EIF3I: variants seen among roughly 807,000 people sequenced by gnomAD.
EIF3I encodes eukaryotic translation initiation factor 3 subunit I.
Under a neutral mutation model 43.3 loss-of-function variants are expected in EIF3I, and 20 were observed. That is an observed-to-expected ratio of 0.46 (90% confidence interval 0.32 to 0.67). The LOEUF is 0.67. Among genes scored for constraint, EIF3I ranks in the 30% least tolerant of loss-of-function variants. EIF3I has a pLI of 0.03. For missense variants in EIF3I, 279 were observed against 421.4 expected, an observed-to-expected ratio of 0.66 and a Z score of 2.96; for synonymous variants, 167 against 151.7, an observed-to-expected ratio of 1.10 and a Z score of -0.74.
downstream of EIF3I, among the ~76,000 whole-genome samples, chr1:32,236,031 C>T (rs552570240): frequency 6.6e-5 from 10 of 152,304 alleles, no homozygotes; most frequent in African/African-American, 2.4e-4. Flanking sequence ...ATTTCATACT[C>T]GACACTCCCA....
chr1:32,230,482 A>G (rs976542993), intron 10 of EIF3I, among the ~76,000 whole-genome samples: 7 of 151,600 alleles, frequency 4.6e-5, no homozygotes, highest in African/African-American at 1.7e-4. Context: ...TCGGCCTCCC[A>G]AAGTGTTGGG....
intron 10 of EIF3I, 143 bp from the exon 10 acceptor site, chr1:32,230,784 A>G (rs929351197): frequency 4.9e-5 from 30 of 616,762 alleles, no homozygotes; most frequent in Non-Finnish European, 7.3e-5. Flanking sequence ...AGATTGCGCC[A>G]CTGTACTCCA....
At chr1:32,222,593 G>A in exon 2 of EIF3I, 1 of 1,614,130 alleles carries the variant, frequency 6.2e-7, no homozygotes, top group East Asian at 2.2e-5. Context: ...AAGTATAACC[G>A]CGAAGGAGAC....
chr1:32,227,100 G>T (rs759899636), intron 6 of EIF3I, among the ~76,000 whole-genome samples: 6 of 149,584 alleles, frequency 4.0e-5, no homozygotes, highest in Non-Finnish European at 5.9e-5. Context: ...TCGGGTCCTG[G>T]TGATAGCACA....
exon 4 of EIF3I, chr1:32,224,463 G>A: frequency 3.1e-6 from 5 of 1,613,552 alleles, no homozygotes; most frequent in Middle Eastern, 1.8e-4. Context: ...TCGTCTCTGG[G>A]ACTGTGAAAC....
chr1:32,228,466 G>A, intron 6 of EIF3I, 33 bp from the exon 7 acceptor site: 2 of 1,572,646 alleles, frequency 1.3e-6, no homozygotes, highest in Non-Finnish European at 1.8e-6. Flanking sequence ...TAGGGATTGG[G>A]CCCATTCAGT....
rs1271219456 is a variant in EIF3I, at chr1:32,228,799, T to TC, written c.717dup (p.Asn240GlnfsTer3). Reference sequence around the variant, plus strand: ...ACGTCCTGTCAACTCAGCTGCCCTCTCCCCCAACTATGACCATGTAAGAGA... The same window carrying TC: ...ACGTCCTGTCAACTCAGCTGCCCTCTCCCCCCAACTATGACCATGTAAGAGA... On this transcript the variant is annotated frameshift_variant, in exon 8 of 12. Coordinates refer to ENST00000676679, the Ensembl canonical transcript of EIF3I. LOFTEE classifies it high-confidence loss of function. 1 of 1,613,894 alleles carries TC rather than the reference T, an allele frequency of 6.2e-7. No homozygotes were observed.
At chr1:32,222,429 C>T (rs750505560) in exon 1 of EIF3I, 33 of 1,595,438 alleles carry the variant, frequency 2.1e-5, no homozygotes, top group African/African-American at 6.7e-5. Context: ...GCCTTCCTCG[C>T]GTCACAGCCG....
At chr1:32,229,925 A>T (rs1328383931) in intron 9 of EIF3I, among the ~76,000 whole-genome samples, 2 of 152,216 alleles carry the variant, frequency 1.3e-5, no homozygotes, top group Non-Finnish European at 2.9e-5. Flanking sequence ...ACATAAAATT[A>T]TGCAGATTAA....
chr1:32,231,133 A>G, exon 12 of EIF3I: 1 of 1,614,146 alleles, frequency 6.2e-7, no homozygotes, highest in African/African-American at 1.3e-5. Context: ...GCGGCGGCGA[A>G]GATGGTTACG....
chr1:32,222,579 G>A, exon 2 of EIF3I: 6 of 1,614,146 alleles, frequency 3.7e-6, no homozygotes, highest in Non-Finnish European at 5.1e-6. Context: ...CCATTACGCA[G>A]ATTAAGTATA....
chr1:32,229,110 A>G (rs1639193849), intron 8 of EIF3I, 25 bp from the exon 9 acceptor site: 13 of 1,606,354 alleles, frequency 8.1e-6, no homozygotes, highest in Non-Finnish European at 1.1e-5. Context: ...CATTGGTCCC[A>G]TCTAGAGTTT....
intron 6 of EIF3I, 58 bp downstream of exon 6, chr1:32,226,588 A>C (rs1639150651): frequency 2.2e-6 from 3 of 1,385,484 alleles, no homozygotes; most frequent in Admixed American, 2.7e-5. Context: ...TTTTTTTAAG[A>C]TAGAGTCTCT....
At chr1:32,224,910 T>C (rs889633657) in intron 4 of EIF3I, among the ~76,000 whole-genome samples, 2 of 152,118 alleles carry the variant, frequency 1.3e-5, no homozygotes, top group African/African-American at 2.4e-5. Flanking sequence ...CTTGGCTTAC[T>C]GCAACCTCCG....
At chr1:32,231,469 C>A, downstream of EIF3I, 3 of 285,900 alleles carry the variant, frequency 1.0e-5, no homozygotes, top group South Asian at 4.9e-5. Context: ...CCATCCTGAG[C>A]CACAAGAGCA....
chr1:32,234,666 T>A (rs1332453096), downstream of EIF3I: 1 of 152,794 alleles, frequency 6.5e-6, no homozygotes, highest in Non-Finnish European at 1.5e-5. Flanking sequence ...AGCAAGTTTC[T>A]GGATGGAGGG....
In EIF3I at chr1:32,231,244, C is replaced by T. The variant is rs746561757; in HGVS notation, c.*48C>T. On this transcript the variant is annotated 3_prime_UTR_variant, in exon 12 of 12. Coordinates refer to ENST00000676679, the Ensembl canonical transcript of EIF3I. ...GTGGTGGCTCATGCCTGTAATCCCACCACTTTTTTTTTAAGGCAGGCGGAT... is the reference window on the plus strand; with the variant it reads ...GTGGTGGCTCATGCCTGTAATCCCATCACTTTTTTTTTAAGGCAGGCGGAT... 3 of 1,575,972 alleles carry T rather than the reference C, an allele frequency of 1.9e-6. No homozygotes were observed. The South Asian group carries it at 3.3e-5, about 18-fold the overall frequency.
At chr1:32,225,817 C>G (rs1035038765) in intron 4 of EIF3I, among the ~76,000 whole-genome samples, 3 of 151,532 alleles carry the variant, frequency 2.0e-5, no homozygotes, top group African/African-American at 7.3e-5. Flanking sequence ...GTCAGGAGAT[C>G]AAGACCATCC....
intron 2 of EIF3I, among the ~76,000 whole-genome samples, chr1:32,223,555 G>A (rs1639078252): frequency 6.6e-6 from 1 of 152,162 alleles, no homozygotes; most frequent in Admixed American, 6.5e-5. Flanking sequence ...AAAGTGCTAG[G>A]ATTACAGGCA....
Sources: allele counts gnomAD v4.1 joint callset (sites outside exome capture counted in the v4.1 genomes callset), GRCh38; gene constraint gnomAD v4.1.1; transcripts MANE v1.5; gene names NCBI Gene and HGNC (gene_info 2026-07-23, HGNC 2026-07-21).